Variants in PRKN observed in about 807,000 individuals in gnomAD.
PRKN encodes the protein parkin RBR E3 ubiquitin protein ligase.
PRKN carries 56 observed loss-of-function variants against 59.5 expected under a neutral mutation model. That is an observed-to-expected ratio of 0.94 (90% CI 0.76 to 1.18). PRKN has a LOEUF of 1.18. Ranked by LOEUF, PRKN falls within the 50% of genes most tolerant of loss-of-function variation. PRKN has a pLI of 0.00. For missense variants in PRKN, 657 were observed against 596.4 expected (o/e 1.10, Z -1.06); for synonymous variants, 250 against 222.1 (o/e 1.13, Z -1.12).
At chr6:161,787,428 G>C (rs559227035) in intron 6 of PRKN, among the ~76,000 whole-genome samples, 2 of 152,082 alleles carry the variant, frequency 1.3e-5, no homozygotes, top group Non-Finnish European at 2.9e-5. Context: ...ACAGTCACTC[G>C]CATACACATG....
intron 9 of PRKN, among the ~76,000 whole-genome samples, chr6:161,392,947 C>T (rs1349496255): frequency 6.6e-6 from 1 of 152,022 alleles, no homozygotes; most frequent in African/African-American, 2.4e-5. Flanking sequence ...AAAAGAATAG[C>T]ACATTTTAAT....
intron 7 of PRKN, among the ~76,000 whole-genome samples, chr6:161,752,081 G>T (rs944707041): frequency 6.6e-6 from 1 of 152,236 alleles, no homozygotes; most frequent in African/African-American, 2.4e-5. Flanking sequence ...TAAGGAATCC[G>T]TTTTGGGACA....
intron 1 of PRKN, among the ~76,000 whole-genome samples, chr6:162,696,022 T>C (rs1461998784): frequency 1.3e-5 from 2 of 152,184 alleles, no homozygotes; most frequent in Non-Finnish European, 2.9e-5. Context: ...GTAAACGAGC[T>C]CTGACTACAG....
chr6:161,758,174 G>A (rs1307155167), intron 7 of PRKN, among the ~76,000 whole-genome samples: 1 of 151,750 alleles, frequency 6.6e-6, no homozygotes, highest in Non-Finnish European at 1.5e-5. Context: ...TAGTTTGGCA[G>A]TTCCTTAAAA....
intron 6 of PRKN, among the ~76,000 whole-genome samples, chr6:161,792,320 A>G (rs1035459959): frequency 6.6e-6 from 1 of 152,230 alleles, no homozygotes; most frequent in East Asian, 1.9e-4. Flanking sequence ...AAGACCAGAA[A>G]AGAATTCATG....
rs1320901525 is a variant in PRKN at position 161,451,399 on chromosome 6, T to A, written c.1084-64522A>T. ...AATATAAAGTTAGGATGTGGCCTGA[T>A]TAGCATAGGCAGAGTACTGAGAAGC... On this transcript the variant is annotated intron_variant, in intron 9 of 11. Coordinates refer to ENST00000366898, the MANE Select transcript of PRKN (RefSeq NM_004562.3). The surrounding 1 kb of genome is among the most constrained non-coding windows in gnomAD (Gnocchi z 5.9). Among the ~76,000 whole-genome samples the A allele has an allele frequency of 6.6e-6, 1 of 152,178 alleles. No individual in the cohort carries two copies. The highest frequency in any genetic ancestry group is 2.1e-4 in the South Asian group (1 of 4,832).
At chr6:161,585,812 C>G (rs1007641150) in intron 7 of PRKN, among the ~76,000 whole-genome samples, 3 of 152,116 alleles carry the variant, frequency 2.0e-5, no homozygotes, top group African/African-American at 7.2e-5. Context: ...GCCCTGAGGA[C>G]TTGACACAGC....
chr6:162,292,397 T>C (rs1781477121), intron 2 of PRKN, among the ~76,000 whole-genome samples: 1 of 152,284 alleles, frequency 6.6e-6, no homozygotes, highest in Admixed American at 6.5e-5. Flanking sequence ...GTCATTACCC[T>C]TTTGTACCCT....
intron 2 of PRKN, among the ~76,000 whole-genome samples, chr6:162,339,243 T>A (rs1237513085): frequency 1.2e-5 from 1 of 86,186 alleles, no homozygotes; most frequent in Non-Finnish European, 2.4e-5. Context: ...AGGGAGGTGG[T>A]GGGGGTCAGC....
chr6:162,544,794 C>T (rs1370747950), intron 1 of PRKN, among the ~76,000 whole-genome samples: 6 of 149,478 alleles, frequency 4.0e-5, no homozygotes, highest in Non-Finnish European at 7.4e-5. Flanking sequence ...TCTCCTGCCT[C>T]GGCCTCCTGA....
chr6:162,613,753 G>A (rs1007210885), intron 1 of PRKN, among the ~76,000 whole-genome samples: 1 of 152,152 alleles, frequency 6.6e-6, no homozygotes, highest in African/African-American at 2.4e-5. Context: ...CAGAATGGCT[G>A]ATAAAATGCC....
chr6:162,205,829 T>C (rs1460693595), intron 3 of PRKN, among the ~76,000 whole-genome samples: 1 of 152,092 alleles, frequency 6.6e-6, no homozygotes, highest in Non-Finnish European at 1.5e-5. Flanking sequence ...GAGGAATTAC[T>C]CTCTGAGTTT....
At chr6:162,572,939 C>T (rs938157306) in intron 1 of PRKN, among the ~76,000 whole-genome samples, 23 of 152,202 alleles carry the variant, frequency 1.5e-4, no homozygotes, top group African/African-American at 5.5e-4. Context: ...TGTGTGTCAC[C>T]CCCTGTCATT....
At chr6:162,375,766 A>AC (rs1562712438) in intron 2 of PRKN, among the ~76,000 whole-genome samples, 3 of 100,686 alleles carry the variant, frequency 3.0e-5, no homozygotes, top group Admixed American at 1.9e-4. Flanking sequence ...CACACACACA[A>AC]ACACACACCC....
intron 1 of PRKN, among the ~76,000 whole-genome samples, chr6:162,545,304 A>C (rs1341942828): frequency 6.6e-6 from 1 of 152,122 alleles, no homozygotes; most frequent in Non-Finnish European, 1.5e-5. Context: ...TAAAAATAAA[A>C]AAATTTAAAA....
intron 7 of PRKN, among the ~76,000 whole-genome samples, chr6:161,699,415 T>C (rs192133864): frequency 1.3e-5 from 2 of 152,246 alleles, no homozygotes; most frequent in East Asian, 3.9e-4. Context: ...TTTTTAATAG[T>C]TCCAAAGTGG....
rs367713629 is a variant in PRKN, at chr6:161,475,337, C to T, written c.1083+73517G>A. On this transcript the variant is annotated intron_variant, in intron 9 of 11. Coordinates refer to ENST00000366898, the MANE Select transcript of PRKN (RefSeq NM_004562.3). This position sits in a 1 kb window ranked among gnomAD's most constrained non-coding sequence, Gnocchi z 5.3. Reference sequence around the variant, plus strand: ...CGTTGCTTTCCAGTATTCCCATTTGCGATTTGTTTTTGGTCATCACGAGGA... The same window carrying T: ...CGTTGCTTTCCAGTATTCCCATTTGTGATTTGTTTTTGGTCATCACGAGGA... Among the ~76,000 whole-genome samples the T allele has an allele frequency of 1.6e-4, 24 of 152,238 alleles. No individual in the cohort carries two copies. In the East Asian group the frequency reaches 1.7e-3, roughly 11 times the overall value.
At chr6:162,295,938 A>T (rs1781652740) in intron 2 of PRKN, among the ~76,000 whole-genome samples, 1 of 152,208 alleles carries the variant, frequency 6.6e-6, no homozygotes, top group Non-Finnish European at 1.5e-5. Context: ...GTGGATACCC[A>T]TGCAGAAATT....
rs1779348951 is a variant in PRKN at position 162,727,653 on chromosome 6, C to T, written c.7+9G>A. 6.3e-7 allele frequency: 1 copy of T among 1,585,440 alleles called. No individual in the cohort carries two copies. The highest frequency in any genetic ancestry group is 8.6e-7 in the Non-Finnish European group (1 of 1,166,640). ...GCAGAGAGGCTGTACCTGGCAGGTA[C>T]CCACGTACCTATCATGGTCACTGGG... On this transcript the variant is annotated intron_variant, in intron 1 of 11. Transcript: ENST00000366898.
Sources: gnomAD v4.1 joint callset for allele counts (sites outside exome capture counted in the v4.1 genomes callset) on GRCh38, gnomAD v4.1.1 for gene constraint, Gnocchi (gnomAD v3.1) non-coding constraint, MANE v1.5 for transcripts, NCBI Gene and HGNC (gene_info 2026-07-23, HGNC 2026-07-21) for gene names.